The following TENM2 variants were observed in gnomAD, a reference collection of about 807,000 sequenced individuals.
TENM2 encodes the protein teneurin transmembrane protein 2, also known as teneurin-2.
TENM2 carries 52 observed loss-of-function variants against 245.2 expected under a neutral mutation model. The ratio of observed to expected loss-of-function variants is 0.21; its 90% CI spans 0.17 to 0.27. The LOEUF (loss-of-function observed/expected upper bound fraction) is 0.27. Among genes scored for constraint, TENM2 ranks in the 10% least tolerant of loss-of-function variants. TENM2 has a pLI of 1.00. For missense variants in TENM2, 3,046 were observed against 3,666.8 expected (o/e 0.83, Z 4.37); for synonymous variants, 1,363 against 1,438.9 (o/e 0.95, Z 1.19).
At chr5:168,156,260 A>AAAAAAAAC (rs1394071321) in intron 12 of TENM2, among the ~76,000 whole-genome samples, 1 of 150,852 alleles carries the variant, frequency 6.6e-6, no homozygotes, top group Non-Finnish European at 1.5e-5. Flanking sequence ...AAAAAAAAAA[A>AAAAAAAAC]AAAAAACACT....
At chr5:167,859,364 G>A (rs1383179029) in intron 2 of TENM2, among the ~76,000 whole-genome samples, 396 of 136,594 alleles carry the variant, frequency 2.9e-3, no homozygotes, top group African/African-American at 0.01. Context: ...CAGCCACCCC[G>A]TCCGGGAGGG....
At chr5:167,960,540 C>A (rs79501533) in intron 4 of TENM2, among the ~76,000 whole-genome samples, 74 of 152,182 alleles carry the variant, frequency 4.9e-4, no homozygotes, top group African/African-American at 1.7e-3. Context: ...GTGGACCCCC[C>A]CTCCCTCCCA....
chr5:167,286,939 A>G (rs1399524436), intron 1 of TENM2, among the ~76,000 whole-genome samples: 1 of 152,216 alleles, frequency 6.6e-6, no homozygotes, highest in Non-Finnish European at 1.5e-5. Flanking sequence ...GGCCATATCA[A>G]ACTCATAGCT....
chr5:167,993,026 G>A (rs764718463), exon 5 of TENM2: 1 of 1,613,934 alleles, frequency 6.2e-7, no homozygotes, highest in Non-Finnish European at 8.5e-7. Flanking sequence ...CTCAGGAACG[G>A]TTTACACGCC....
intron 9 of TENM2, among the ~76,000 whole-genome samples, chr5:168,103,989 C>T (rs1273169835): frequency 6.6e-6 from 1 of 150,468 alleles, no homozygotes; most frequent in Non-Finnish European, 1.5e-5. Flanking sequence ...GATCGGTGTC[C>T]TTCTTTCTTT....
rs149756602 is a variant in TENM2 at position 167,575,991 on chromosome 5, A to C, written c.502+200518A>C. On this transcript the variant is annotated intron_variant, in intron 2 of 28. Coordinates refer to ENST00000518659, the Ensembl canonical transcript of TENM2. ...GCTGATAATGATGATTATTTCTCAAATAAGTGGCAAGTGTTGAAGGGATGG... is the reference window on the plus strand; with the variant it reads ...GCTGATAATGATGATTATTTCTCAACTAAGTGGCAAGTGTTGAAGGGATGG... Among the ~76,000 whole-genome samples the C allele has an allele frequency of 6.8e-4, 104 of 152,300 alleles. 3 individuals are homozygous for C. In the East Asian group the frequency reaches 0.013, roughly 19 times the overall value.
At chr5:167,302,807 G>A (rs1017067290) in intron 1 of TENM2, among the ~76,000 whole-genome samples, 6 of 152,212 alleles carry the variant, frequency 3.9e-5, no homozygotes, top group South Asian at 2.1e-4. Context: ...CCAGAAAAGC[G>A]GGACTTGCCG....
the TENM2 span, among the ~76,000 whole-genome samples, chr5:167,255,652 T>G: frequency 6.6e-6 from 1 of 152,194 alleles, no homozygotes. Flanking sequence ...CAGCTACATT[T>G]TTTTCAAGAT....
intron 7 of TENM2, among the ~76,000 whole-genome samples, chr5:168,063,639 C>T (rs1790240124): frequency 6.6e-6 from 1 of 152,136 alleles, no homozygotes; most frequent in Non-Finnish European, 1.5e-5. Flanking sequence ...TTGGCAAATG[C>T]AAGGTAGTCA....
At chr5:167,299,392 G>A (rs1009227254) in intron 1 of TENM2, among the ~76,000 whole-genome samples, 7 of 152,118 alleles carry the variant, frequency 4.6e-5, no homozygotes, top group Non-Finnish European at 8.8e-5. Context: ...CAGACTAAGA[G>A]GTATTTTAGT....
intron 2 of TENM2, among the ~76,000 whole-genome samples, chr5:167,708,967 A>G (rs1758722779): frequency 6.6e-6 from 1 of 152,174 alleles, no homozygotes; most frequent in South Asian, 2.1e-4. Context: ...CTTTTATGAA[A>G]TGGGCGAGTC....
intron 1 of TENM2, among the ~76,000 whole-genome samples, chr5:167,340,113 G>C (rs920353621): frequency 6.6e-6 from 1 of 152,130 alleles, no homozygotes; most frequent in African/African-American, 2.4e-5. Context: ...CTGGAACACA[G>C]ATCAGCCAAA....
At chr5:167,836,563 A>G (rs890662225) in intron 2 of TENM2, among the ~76,000 whole-genome samples, 1 of 152,224 alleles carries the variant, frequency 6.6e-6, no homozygotes, top group African/African-American at 2.4e-5. Flanking sequence ...AATAATAAAT[A>G]GAGAAAAAAT....
chr5:167,894,935 AAGGAAGGAAG>A (rs1455947793), intron 3 of TENM2, among the ~76,000 whole-genome samples: 1 of 81,110 alleles, frequency 1.2e-5, no homozygotes, highest in Non-Finnish European at 2.6e-5. Context: ...GGAAGGAAGG[AAGGAAGGAAG>A]GAAGGAAGGA....
At chr5:167,124,347 GTGT>G in the TENM2 span, among the ~76,000 whole-genome samples, 1 of 152,012 alleles carries the variant, frequency 6.6e-6, no homozygotes, top group Non-Finnish European at 1.5e-5. Context: ...CAATTTGTTG[GTGT>G]TGTTTTATTT....
chr5:167,348,946 T>C (rs1210811155), intron 1 of TENM2, among the ~76,000 whole-genome samples: 2 of 152,232 alleles, frequency 1.3e-5, no homozygotes, highest in African/African-American at 2.4e-5. Context: ...TGCTGGTTTT[T>C]ACAGGTACAA....
chr5:167,211,711 C>G, the TENM2 span, among the ~76,000 whole-genome samples: 1 of 151,998 alleles, frequency 6.6e-6, no homozygotes, highest in African/African-American at 2.4e-5. Context: ...GAATTGGTAG[C>G]CCCAGGCATT....
chr5:167,622,616 G>T (rs934433415), intron 2 of TENM2, among the ~76,000 whole-genome samples: 3 of 152,074 alleles, frequency 2.0e-5, no homozygotes, highest in African/African-American at 7.2e-5. Flanking sequence ...CATTCCACAA[G>T]GTTCAGGGGT....
rs1774126519 is a variant in TENM2 at position 167,884,471 on chromosome 5, A to T, written c.712+8276A>T. The stretch of plus-strand genomic sequence containing the variant: ...TGTCTCTATGAATTTGTGTCTAGGT[A>T]CCTCATATCAATGGAATCACACAGT... On this transcript the variant is annotated intron_variant, in intron 3 of 28. Coordinates refer to ENST00000518659, the Ensembl canonical transcript of TENM2. Among the ~76,000 whole-genome samples the T allele has an allele frequency of 1.3e-5, 2 of 152,180 alleles. 1 individual carries two copies. Among genetic ancestry groups the T allele is most frequent in the South Asian group, 4.1e-4 (2 of 4,830 alleles).
Sources: gnomAD v4.1 joint callset for allele counts (sites outside exome capture counted in the v4.1 genomes callset) on GRCh38, gnomAD v4.1.1 for gene constraint, MANE v1.5 for transcripts, NCBI Gene and HGNC (gene_info 2026-07-23, HGNC 2026-07-21) for gene names.